CNTNAP2: variants seen among roughly 807,000 people sequenced by gnomAD.
CNTNAP2 encodes contactin associated protein 2.
In CNTNAP2, 98 loss-of-function variants were observed where a neutral mutation model predicts 155.2. The ratio of observed to expected loss-of-function variants is 0.63; its 90% CI spans 0.54 to 0.75. The LOEUF (loss-of-function observed/expected upper bound fraction) is 0.75. Among genes scored for constraint, CNTNAP2 ranks in the 30% least tolerant of loss-of-function variants. The pLI, the probability that CNTNAP2 is intolerant of heterozygous loss-of-function variation, is 0.00. For missense variants in CNTNAP2, 1,727 were observed against 1,688.1 expected, an observed-to-expected ratio of 1.02 and a Z score of -0.40; for synonymous variants, 651 against 631.2, an observed-to-expected ratio of 1.03 and a Z score of -0.47.
intron 3 of CNTNAP2, among the ~76,000 whole-genome samples, chr7:147,019,058 T>C (rs907668993): frequency 8.2e-4 from 125 of 152,066 alleles, no homozygotes; most frequent in African/African-American, 2.9e-3. Context: ...ACCCAAAGAG[T>C]TAAAAAATAT....
At chr7:146,644,630 A>G (rs1233384813) in intron 1 of CNTNAP2, among the ~76,000 whole-genome samples, 1 of 152,088 alleles carries the variant, frequency 6.6e-6, no homozygotes, top group Non-Finnish European at 1.5e-5. Context: ...TAGACGCAAT[A>G]AAAAATGATA....
chr7:146,520,381 C>T (rs994278417), intron 1 of CNTNAP2, among the ~76,000 whole-genome samples: 1 of 147,286 alleles, frequency 6.8e-6, no homozygotes, highest in African/African-American at 2.5e-5. Context: ...AGATATACAC[C>T]TCTGAAGAGA....
chr7:147,011,444 A>AAAG lies in CNTNAP2; in HGVS notation c.403-32463_403-32462insAAG, dbSNP rs1554424732. Among the ~76,000 whole-genome samples the AAAG allele has an allele frequency of 6.6e-3, 848 of 127,746 alleles. 118 individuals are homozygous for AAAG. The highest frequency in any genetic ancestry group is 0.011 in the Non-Finnish European group (670 of 58,494). 83.8% of individuals were successfully genotyped at this position (127,746 alleles called of 152,430 possible). A position where few individuals can be genotyped will look rare whatever the true frequency, so the allele number is the denominator to read the frequency against. On this transcript the variant is annotated intron_variant, in intron 3 of 23. Transcript: ENST00000361727. ...AAAAAAAAAAAAAAAAAAAAAAAAA[A>AAAG]GGAACAAGGTTGTGAGGGTAACAGA...
At chr7:146,197,272 G>A (rs1482462101) in intron 1 of CNTNAP2, among the ~76,000 whole-genome samples, 3 of 152,000 alleles carry the variant, frequency 2.0e-5, no homozygotes, top group Non-Finnish European at 2.9e-5. Context: ...ACAAAACAAA[G>A]GAATTATTTG....
intron 3 of CNTNAP2, among the ~76,000 whole-genome samples, chr7:146,924,726 T>A (rs1796570814): frequency 6.6e-6 from 1 of 152,126 alleles, no homozygotes. Flanking sequence ...TGAAAAAAAA[T>A]TCTAATCTTA....
chr7:148,402,716 A>G (rs1358306299), intron 22 of CNTNAP2, among the ~76,000 whole-genome samples: 1 of 152,196 alleles, frequency 6.6e-6, no homozygotes, highest in Non-Finnish European at 1.5e-5. Flanking sequence ...GTTGCAATTT[A>G]AATTAAATTA....
At chr7:148,017,560 C>T (rs1802202040) in intron 15 of CNTNAP2, among the ~76,000 whole-genome samples, 1 of 152,084 alleles carries the variant, frequency 6.6e-6, no homozygotes, top group Non-Finnish European at 1.5e-5. Flanking sequence ...AAAATCTATT[C>T]TGTATATATG....
At chr7:147,833,552 A>G (rs1428227331) in intron 13 of CNTNAP2, among the ~76,000 whole-genome samples, 2 of 152,154 alleles carry the variant, frequency 1.3e-5, no homozygotes, top group African/African-American at 2.4e-5. Context: ...CAGCTTCTCT[A>G]ATGGCTACCG....
At chr7:147,329,560 A>C (rs1015954825) in intron 9 of CNTNAP2, among the ~76,000 whole-genome samples, 4 of 152,142 alleles carry the variant, frequency 2.6e-5, no homozygotes, top group Non-Finnish European at 5.9e-5. Context: ...TCCTGGCCTC[A>C]TGGTGCAGGT....
intron 1 of CNTNAP2, among the ~76,000 whole-genome samples, chr7:146,129,396 G>A (rs2116732807): frequency 6.6e-6 from 1 of 152,196 alleles, no homozygotes; most frequent in Admixed American, 6.5e-5. Flanking sequence ...GATCTCTCAT[G>A]CTGTGTTTGT....
chr7:146,717,789 G>C (rs751986037), intron 1 of CNTNAP2, among the ~76,000 whole-genome samples: 41 of 151,972 alleles, frequency 2.7e-4, no homozygotes, highest in Non-Finnish European at 5.6e-4. Context: ...ACGCCACACA[G>C]CTCTTTAGCA....
intron 1 of CNTNAP2, among the ~76,000 whole-genome samples, chr7:146,404,338 G>A (rs147277763): frequency 1.3e-5 from 2 of 152,122 alleles, no homozygotes; most frequent in South Asian, 2.1e-4. Flanking sequence ...ACCCTGCATG[G>A]TTGGGCCGCA....
At position 147,627,552 on chromosome 7, in the gene CNTNAP2, G is replaced by A. The variant is rs111582837; in HGVS notation, c.1898-11554G>A. ...CTCTACTAAAAATACAAAAAGTTTG[G>A]TGTGTGGTGGGCACCTGTAATCCCA... On this transcript the variant is annotated intron_variant, in intron 12 of 23. Transcript: ENST00000361727. Among the ~76,000 whole-genome samples, 395 of 151,796 alleles carry A rather than the reference G, an allele frequency of 2.6e-3. 4 individuals are homozygous for A. The highest frequency in any genetic ancestry group is 8.4e-3 in the African/African-American group (346 of 41,420).
chr7:147,852,316 A>G (rs1361318788), intron 13 of CNTNAP2, among the ~76,000 whole-genome samples: 1 of 152,218 alleles, frequency 6.6e-6, no homozygotes, highest in East Asian at 1.9e-4. Context: ...AACTACAATT[A>G]CAGAGGAGGT....
chr7:148,257,441 A>G (rs573667126), intron 20 of CNTNAP2, among the ~76,000 whole-genome samples: 10 of 152,224 alleles, frequency 6.6e-5, no homozygotes, highest in Admixed American at 5.2e-4. Context: ...GAGTATCTCT[A>G]TAAGTCGGCA....
intron 1 of CNTNAP2, among the ~76,000 whole-genome samples, chr7:146,766,741 A>G (rs1306007944): frequency 6.6e-6 from 1 of 152,198 alleles, no homozygotes; most frequent in Non-Finnish European, 1.5e-5. Context: ...TGCTATTACT[A>G]TCAATTGATT....
At chr7:146,308,614 G>A (rs113977192) in intron 1 of CNTNAP2, among the ~76,000 whole-genome samples, 121 of 152,254 alleles carry the variant, frequency 7.9e-4, no homozygotes, top group African/African-American at 2.7e-3. Context: ...TTAAGAAAAT[G>A]TGGCACATAT....
At chr7:147,114,985 G>C (rs1435485203) in intron 5 of CNTNAP2, among the ~76,000 whole-genome samples, 1 of 152,154 alleles carries the variant, frequency 6.6e-6, no homozygotes, top group Non-Finnish European at 1.5e-5. Flanking sequence ...TTCTTCAGGA[G>C]CTCTTGCAAG....
chr7:147,495,598 G>T (rs932158992), intron 11 of CNTNAP2, among the ~76,000 whole-genome samples: 1 of 152,174 alleles, frequency 6.6e-6, no homozygotes, highest in African/African-American at 2.4e-5. Flanking sequence ...GACAGCCATG[G>T]TTATAAATGT....
Sources: gnomAD v4.1 joint callset for allele counts (sites outside exome capture counted in the v4.1 genomes callset) on GRCh38, gnomAD v4.1.1 for gene constraint, MANE v1.5 for transcripts, NCBI Gene and HGNC (gene_info 2026-07-23, HGNC 2026-07-21) for gene names.